Variants in AFAP1 observed in about 807,000 individuals in gnomAD.
The protein encoded by AFAP1 is actin filament-associated protein 1.
In AFAP1, 75 loss-of-function variants were observed where a neutral mutation model predicts 93.9. The observed-to-expected ratio is 0.80, with a 90% CI of 0.66 to 0.97. The LOEUF (loss-of-function observed/expected upper bound fraction) is 0.97, where lower values mean the gene tolerates loss of function less well. Among genes scored for constraint, AFAP1 ranks in the 50% least tolerant of loss-of-function variants. AFAP1 has a pLI of 0.00. For missense variants in AFAP1, 1,201 were observed against 1,050.8 expected (o/e 1.14, Z -1.98); for synonymous variants, 517 against 430.7 (o/e 1.20, Z -2.48).
At chr4:7,769,038 G>A (rs1456771071) in intron 16 of AFAP1, 30 bp from the exon 17 acceptor site, 1 of 1,562,250 alleles carries the variant, frequency 6.4e-7, no homozygotes, top group Non-Finnish European at 8.7e-7. Context: ...CCCATGTGAT[G>A]AGCGGTTTCT....
chr4:7,806,724 A>C (rs1719547322), intron 9 of AFAP1, among the ~76,000 whole-genome samples: 1 of 152,202 alleles, frequency 6.6e-6, no homozygotes. Flanking sequence ...AAGGAATTAG[A>C]TGACAGCTTT....
intron 1 of AFAP1, among the ~76,000 whole-genome samples, chr4:7,913,158 G>C (rs1020796782): frequency 3.3e-5 from 5 of 152,302 alleles, no homozygotes; most frequent in Middle Eastern, 3.4e-3. Flanking sequence ...GGAAGATGAA[G>C]CAGGAGAATC....
At chr4:7,873,628 G>T (rs575641793) in intron 1 of AFAP1, among the ~76,000 whole-genome samples, 2 of 152,020 alleles carry the variant, frequency 1.3e-5, no homozygotes, top group South Asian at 4.2e-4. Context: ...GATTACAGAC[G>T]TGAGCCACCA....
intron 1 of AFAP1, among the ~76,000 whole-genome samples, chr4:7,897,221 T>C (rs6829505): frequency 0.13 from 19,295 of 152,094 alleles, 1,416 homozygotes; most frequent in Non-Finnish European, 0.17. Flanking sequence ...AAACACACCT[T>C]CAAGGAAGCT....
intron 1 of AFAP1, among the ~76,000 whole-genome samples, chr4:7,879,443 C>G (rs1294199466): frequency 6.6e-6 from 1 of 152,146 alleles, no homozygotes; most frequent in Non-Finnish European, 1.5e-5. Context: ...CTGCCCTGTT[C>G]TGGACAGAAT....
At chr4:7,874,192 A>G (rs1194612037) in intron 1 of AFAP1, among the ~76,000 whole-genome samples, 3 of 152,210 alleles carry the variant, frequency 2.0e-5, no homozygotes, top group Non-Finnish European at 4.4e-5. Context: ...TTCTAATGTA[A>G]CAGAGGATGG....
intron 1 of AFAP1, among the ~76,000 whole-genome samples, chr4:7,934,088 A>G (rs889732811): frequency 3.9e-5 from 6 of 152,196 alleles, no homozygotes; most frequent in Non-Finnish European, 7.3e-5. Context: ...CATCCAAAAC[A>G]ACAGATGATA....
intron 1 of AFAP1, among the ~76,000 whole-genome samples, chr4:7,930,489 C>T (rs557986059): frequency 2.8e-4 from 42 of 152,274 alleles, no homozygotes; most frequent in Non-Finnish European, 5.6e-4. Flanking sequence ...AATCATACCT[C>T]GGTCTTTCTG....
Position 7,773,223 on chromosome 4 carries a change from C to T in AFAP1, c.2063-213G>A, listed in dbSNP as rs544698072. 1.5e-4 allele frequency: 104 copies of T among 713,146 alleles called. No homozygotes were observed. In the South Asian group the frequency reaches 1.7e-3, roughly 11 times the overall value. 44.2% of individuals were successfully genotyped at this position (713,146 alleles called of 1,614,324 possible). A position where few individuals can be genotyped will look rare whatever the true frequency, so the allele number is the denominator to read the frequency against. ...CCCTTTGCTGCAGCCGTTGAGGACT[C>T]GGACCAGGAAAGAGGAGATGCTGAT... On this transcript the variant is annotated intron_variant, in intron 15 of 17. Coordinates refer to ENST00000420658, the MANE Select transcript of AFAP1 (RefSeq NM_001134647.2).
intron 12 of AFAP1, 123 bp from the exon 13 acceptor site, chr4:7,781,750 T>C (rs574047848): frequency 4.5e-5 from 54 of 1,208,874 alleles, no homozygotes; most frequent in Middle Eastern, 4.9e-4. Context: ...AACACTCTCC[T>C]GCACACAGAC....
intron 1 of AFAP1, among the ~76,000 whole-genome samples, chr4:7,929,806 G>T (rs2149244086): frequency 1.3e-5 from 2 of 152,310 alleles, no homozygotes; most frequent in Middle Eastern, 6.8e-3. Flanking sequence ...AGGGCTACAG[G>T]GAGTGGCCTG....
chr4:7,807,872 CCCT>C (rs1291390136), intron 9 of AFAP1, among the ~76,000 whole-genome samples: 1 of 152,228 alleles, frequency 6.6e-6, no homozygotes, highest in African/African-American at 2.4e-5. Context: ...TGCAATCCAT[CCCT>C]CCTCCTGACC....
At chr4:7,847,939 G>C (rs931482089) in intron 4 of AFAP1, among the ~76,000 whole-genome samples, 1 of 151,842 alleles carries the variant, frequency 6.6e-6, no homozygotes, top group African/African-American at 2.4e-5. Flanking sequence ...AATGCTCTTT[G>C]TATCAGTCAG....
intron 6 of AFAP1, among the ~76,000 whole-genome samples, chr4:7,819,615 C>T (rs1444651848): frequency 1.3e-5 from 2 of 152,162 alleles, no homozygotes; most frequent in African/African-American, 4.8e-5. Context: ...GGAAAGGGCT[C>T]TGGGCAGCAG....
intron 10 of AFAP1, among the ~76,000 whole-genome samples, chr4:7,796,205 A>C (rs1394080972): frequency 6.6e-6 from 1 of 152,192 alleles, no homozygotes; most frequent in Non-Finnish European, 1.5e-5. Context: ...CTCCACTAAA[A>C]GGAATCACAT....
At chr4:7,885,379 C>G (rs1718086242) in intron 1 of AFAP1, among the ~76,000 whole-genome samples, 1 of 152,192 alleles carries the variant, frequency 6.6e-6, no homozygotes, top group Non-Finnish European at 1.5e-5. Context: ...GTCCCACACA[C>G]ACATCACTAC....
At chr4:7,790,998 A>AT (rs1443303303) in intron 11 of AFAP1, among the ~76,000 whole-genome samples, 3 of 152,312 alleles carry the variant, frequency 2.0e-5, no homozygotes, top group Non-Finnish European at 4.4e-5. Context: ...TTTGAGAACT[A>AT]TTTCTTAGCC....
intron 11 of AFAP1, among the ~76,000 whole-genome samples, chr4:7,792,826 A>C (rs919864157): frequency 1.3e-5 from 2 of 152,242 alleles, no homozygotes; most frequent in African/African-American, 2.4e-5. Context: ...GGACATCTTA[A>C]GTGAAACCAG....
intron 1 of AFAP1, among the ~76,000 whole-genome samples, chr4:7,936,991 G>A (rs1721424713): frequency 1.3e-5 from 2 of 152,090 alleles, no homozygotes; most frequent in African/African-American, 4.8e-5. Context: ...AAAATAAAAT[G>A]TTAGGTTGAA....
Sources: allele counts gnomAD v4.1 joint callset (sites outside exome capture counted in the v4.1 genomes callset), GRCh38; gene constraint gnomAD v4.1.1; transcripts MANE v1.5; gene names NCBI Gene and HGNC (gene_info 2026-07-23, HGNC 2026-07-21).